Variants in IL2RB observed in about 807,000 individuals in gnomAD.
IL2RB encodes the protein interleukin-2 receptor subunit beta.
A neutral mutation model predicts 44.2 loss-of-function variants in IL2RB; 17 were observed. The observed-to-expected ratio is 0.38, with a 90% confidence interval of 0.26 to 0.58. The LOEUF is 0.58. IL2RB is among the 20% of genes least tolerant of loss of function. The pLI is 0.63. For missense variants in IL2RB, 624 were observed against 685.5 expected, an observed-to-expected ratio of 0.91 and a Z score of 1.00; for synonymous variants, 286 against 297.9, an observed-to-expected ratio of 0.96 and a Z score of 0.41.
intron 7 of IL2RB, 61 bp downstream of exon 7, chr22:37,136,167 C>T (rs3218299): frequency 0.075 from 114,463 of 1,519,432 alleles, 4,802 homozygotes; most frequent in South Asian, 0.15. Flanking sequence ...AATGGAGCAG[C>T]TCCTCCTCCA....
At chr22:37,172,214 G>GT (rs964862883) in intron 1 of IL2RB, among the ~76,000 whole-genome samples, 2 of 80,912 alleles carry the variant, frequency 2.5e-5, no homozygotes, top group African/African-American at 9.2e-5. Flanking sequence ...TAAAGGTAAA[G>GT]TAAAAAAAAA....
chr22:37,144,511 G>A (rs1922133669), intron 1 of IL2RB, among the ~76,000 whole-genome samples: 1 of 152,192 alleles, frequency 6.6e-6, no homozygotes, highest in Non-Finnish European at 1.5e-5. Context: ...TTGGGAGGTC[G>A]AGGCAGACGA....
chr22:37,127,127 C>G lies in IL2RB; in HGVS notation c.*969G>C, dbSNP rs1921154843. On this transcript the variant is annotated 3_prime_UTR_variant, in exon 10 of 10. Transcript: ENST00000216223. Reference sequence around the variant, plus strand: ...CCTGGGCCTCGGACTCCAGGGTTTACTCCCCATCAGCTTCTCTTGTGGGTC... The same window carrying G: ...CCTGGGCCTCGGACTCCAGGGTTTAGTCCCCATCAGCTTCTCTTGTGGGTC... 6.6e-6 allele frequency: 1 copy of G among 152,190 alleles called. No homozygotes were observed. Among genetic ancestry groups the G allele is most frequent in the African/African-American group, 2.4e-5 (1 of 41,414 alleles). The allele number at this position is 152,190 out of a possible 1,614,324, so 9.4% of individuals were successfully genotyped here.
At chr22:37,151,944 T>A (rs540259421), upstream of IL2RB, among the ~76,000 whole-genome samples, 5 of 152,340 alleles carry the variant, frequency 3.3e-5, no homozygotes, top group African/African-American at 1.2e-4. Context: ...GTTTTTACGC[T>A]AGCGCCACGC....
intron 1 of IL2RB, among the ~76,000 whole-genome samples, chr22:37,145,502 A>G (rs1203656387): frequency 6.6e-6 from 1 of 151,898 alleles, no homozygotes; most frequent in Non-Finnish European, 1.5e-5. Context: ...GTGAGGCAAG[A>G]CCACAACTGT....
In IL2RB at chr22:37,141,082, G is replaced by A. The variant is rs1210729903; in HGVS notation, c.282+1352C>T. On this transcript the variant is annotated intron_variant, in intron 4 of 9. Coordinates refer to ENST00000216223, the MANE Select transcript of IL2RB (RefSeq NM_000878.5). This position sits in a 1 kb window ranked among gnomAD's most constrained non-coding sequence, Gnocchi z 4.4. ...TAGGAGCCCTGCCCTCCCAGGCAGG[G>A]CTGCAGCTGCCTAAGTCTTGGCTGT... 1.3e-5 allele frequency among the ~76,000 whole-genome samples: 2 copies of A among 152,180 alleles called. No homozygotes were observed. Among genetic ancestry groups the A allele is most frequent in the East Asian group, 3.9e-4 (2 of 5,190 alleles).
intron 4 of IL2RB, among the ~76,000 whole-genome samples, chr22:37,140,012 C>T (rs1350018788): frequency 1.3e-5 from 2 of 152,220 alleles, no homozygotes; most frequent in Non-Finnish European, 2.9e-5. Flanking sequence ...CTTAAGGCAT[C>T]CTGCCACTGT....
intron 1 of IL2RB, chr22:37,162,039 G>C (rs1327265588): frequency 6.6e-6 from 1 of 152,252 alleles, no homozygotes; most frequent in African/African-American, 2.4e-5. Context: ...TCTAATGACA[G>C]TAGCCAGTAG....
At chr22:37,154,511 G>T (rs576261840), upstream of IL2RB, among the ~76,000 whole-genome samples, 1 of 151,802 alleles carries the variant, frequency 6.6e-6, no homozygotes, top group Admixed American at 6.5e-5. Flanking sequence ...CTACTTCTAG[G>T]CCTAAAAAAA....
chr22:37,144,787 C>G (rs1922147227), intron 1 of IL2RB, among the ~76,000 whole-genome samples: 1 of 152,180 alleles, frequency 6.6e-6, no homozygotes, highest in Non-Finnish European at 1.5e-5. Flanking sequence ...TCACCACCCC[C>G]CTACATTTTC....
intron 6 of IL2RB, 134 bp from the exon 7 acceptor site, chr22:37,136,527 ACCCAGTTGCTGGGGCCTCAAAC>A (rs1921713880): frequency 3.2e-6 from 3 of 924,936 alleles, no homozygotes; most frequent in South Asian, 1.7e-5. Flanking sequence ...CTCCCTCACT[ACCCAGTTGCTGGGGCCTCAAAC>A]CCCAGGGTCA....
At chr22:37,133,557 C>T (rs575416749) in intron 8 of IL2RB, among the ~76,000 whole-genome samples, 20 of 152,318 alleles carry the variant, frequency 1.3e-4, no homozygotes, top group African/African-American at 4.8e-4. Flanking sequence ...GCTAGGCACG[C>T]TTTGCAAACC....
At chr22:37,144,887 C>T (rs1476772555) in intron 1 of IL2RB, among the ~76,000 whole-genome samples, 1 of 152,236 alleles carries the variant, frequency 6.6e-6, no homozygotes, top group Non-Finnish European at 1.5e-5. Context: ...CGTAAGCTCA[C>T]TAAGGACAGG....
intron 1 of IL2RB, among the ~76,000 whole-genome samples, chr22:37,157,207 C>T (rs565092216): frequency 6.6e-6 from 1 of 152,318 alleles, no homozygotes; most frequent in East Asian, 1.9e-4. Context: ...GGCCGACTTC[C>T]TGAGGGCTGT....
At chr22:37,151,011 T>C (rs1296674829), upstream of IL2RB, among the ~76,000 whole-genome samples, 1 of 152,228 alleles carries the variant, frequency 6.6e-6, no homozygotes, top group Non-Finnish European at 1.5e-5. Context: ...ATCCTGGGTA[T>C]TGTGAACAGT....
chr22:37,126,898 A>C lies in IL2RB; in HGVS notation c.*1198T>G, dbSNP rs1038641618. Reference sequence around the variant, plus strand: ...CCAGACGAGGTGGTGCCAGGTAATTAATTCGTTCATCCAGGGTATACGACG... The same window carrying C: ...CCAGACGAGGTGGTGCCAGGTAATTCATTCGTTCATCCAGGGTATACGACG... On this transcript the variant is annotated 3_prime_UTR_variant, in exon 10 of 10. Transcript: ENST00000216223. The C allele has an allele frequency of 6.6e-6, 1 of 152,262 alleles. No homozygotes were observed. Among genetic ancestry groups the C allele is most frequent in the Non-Finnish European group, 1.5e-5 (1 of 68,126 alleles). 9.4% of individuals were successfully genotyped at this position (152,262 alleles called of 1,614,324 possible).
At chr22:37,164,366 G>A (rs1569054499) in intron 1 of IL2RB, among the ~76,000 whole-genome samples, 1 of 152,022 alleles carries the variant, frequency 6.6e-6, no homozygotes, top group Non-Finnish European at 1.5e-5. Flanking sequence ...GGAGGATGTG[G>A]TCAGCGGCTT....
At chr22:37,161,011 C>T (rs1228533640) in intron 1 of IL2RB, among the ~76,000 whole-genome samples, 1 of 152,206 alleles carries the variant, frequency 6.6e-6, no homozygotes, top group Non-Finnish European at 1.5e-5. Context: ...CATGGTGGCA[C>T]ATGCCTTTAG....
upstream of IL2RB, among the ~76,000 whole-genome samples, chr22:37,154,252 C>A (rs184027982): frequency 3.7e-4 from 56 of 152,324 alleles, no homozygotes; most frequent in Non-Finnish European, 6.9e-4. Flanking sequence ...AGGGTCCTAG[C>A]CCAGAACACC....
Sources: allele counts gnomAD v4.1 joint callset (sites outside exome capture counted in the v4.1 genomes callset), GRCh38; gene constraint gnomAD v4.1.1; non-coding constraint Gnocchi (gnomAD v3.1); transcripts MANE v1.5; gene names NCBI Gene and HGNC (gene_info 2026-07-23, HGNC 2026-07-21).